RFX8: variants seen among roughly 807,000 people sequenced by gnomAD.
The protein encoded by RFX8 is DNA-binding protein RFX8.
In RFX8, 46 loss-of-function variants were observed where a neutral mutation model predicts 54.6. That is an observed-to-expected ratio of 0.84 (90% confidence interval 0.67 to 1.08). The LOEUF (loss-of-function observed/expected upper bound fraction) is 1.08, where lower values mean the gene tolerates loss of function less well. Among genes scored for constraint, RFX8 ranks in the 50% least tolerant of loss-of-function variants. RFX8 has a pLI of 0.00. For synonymous variants in RFX8, 192 were observed against 209.5 expected (o/e 0.92, Z 0.72); for missense variants, 536 against 562.3 (o/e 0.95, Z 0.47).
rs193077304 is a variant in RFX8, at chr2:101,415,254, C to T, written c.503-342G>A. Reference sequence around the variant, plus strand: ...GGGCCTTGGGGAGGTGATGAGGCCCCGAGTGTACAGTTCCCATGAAGAGGA... The same window carrying T: ...GGGCCTTGGGGAGGTGATGAGGCCCTGAGTGTACAGTTCCCATGAAGAGGA... On this transcript the variant is annotated intron_variant, in intron 6 of 11. Transcript: ENST00000428343. Among the ~76,000 whole-genome samples, 143 of 152,200 alleles carry T rather than the reference C, an allele frequency of 9.4e-4. 1 individual carries two copies. The highest frequency in any genetic ancestry group is 1.5e-3 in the Non-Finnish European group (105 of 68,010).
intron 8 of RFX8, 67 bp downstream of exon 8, chr2:101,412,848 G>A (rs1285451937): frequency 9.9e-6 from 14 of 1,420,790 alleles, no homozygotes; most frequent in Admixed American, 7.6e-5. Context: ...ATGAGTTAAC[G>A]ATGGCCATGC....
At chr2:101,463,671 C>T (rs1448710275) in intron 2 of RFX8, among the ~76,000 whole-genome samples, 1 of 152,106 alleles carries the variant, frequency 6.6e-6, no homozygotes. Context: ...CCAAGGGGGC[C>T]CTGAACACCA....
intron 2 of RFX8, among the ~76,000 whole-genome samples, chr2:101,462,155 G>A (rs910440319): frequency 5.3e-5 from 8 of 152,192 alleles, no homozygotes; most frequent in Non-Finnish European, 1.2e-4. Flanking sequence ...GCTGGGCGCG[G>A]TGGCTCACAC....
At chr2:101,403,431 T>C (rs1171738262) in intron 10 of RFX8, among the ~76,000 whole-genome samples, 1 of 152,190 alleles carries the variant, frequency 6.6e-6, no homozygotes, top group East Asian at 1.9e-4. Flanking sequence ...TCTGGCCTAT[T>C]GCAATTGTTA....
chr2:101,418,990 C>A, intron 4 of RFX8, 26 bp from the exon 5 acceptor site: 1 of 1,344,326 alleles, frequency 7.4e-7, no homozygotes, highest in South Asian at 1.3e-5. Flanking sequence ...GAGCATATCG[C>A]CAAAACTCGT....
At chr2:101,448,453 C>G (rs995082408) in intron 2 of RFX8, among the ~76,000 whole-genome samples, 1 of 152,220 alleles carries the variant, frequency 6.6e-6, no homozygotes, top group Admixed American at 6.5e-5. Context: ...TTCTCCGACA[C>G]CACCTGTCAA....
chr2:101,470,709 C>CTTTTTTTTT (rs537834632), intron 1 of RFX8, among the ~76,000 whole-genome samples: 1 of 105,552 alleles, frequency 9.5e-6, no homozygotes, highest in Non-Finnish European at 1.9e-5. Flanking sequence ...TCTGAGTACT[C>CTTTTTTTTT]TTTTTTTTTT....
chr2:101,420,337 T>C (rs906618481), intron 4 of RFX8, among the ~76,000 whole-genome samples: 5 of 151,530 alleles, frequency 3.3e-5, no homozygotes, highest in African/African-American at 9.7e-5. Flanking sequence ...AGGTCAGGAG[T>C]TTGAGAACAG....
Position 101,465,588 on chromosome 2 carries a change from T to C in RFX8, c.72+1189A>G, listed in dbSNP as rs112500451. Among the ~76,000 whole-genome samples, 606 of 152,278 alleles carry C rather than the reference T, an allele frequency of 4.0e-3. 4 individuals carry two copies. The highest frequency in any genetic ancestry group is 0.013 in the African/African-American group (556 of 41,570). On this transcript the variant is annotated intron_variant, in intron 2 of 11. Coordinates refer to ENST00000428343, the MANE Select transcript of RFX8 (RefSeq NM_001145664.2). ...AATACAATAGGAATAAGAGAATAACTACTCTTGGGTTCAAATAGTTAATTA... is the reference window on the plus strand; with the variant it reads ...AATACAATAGGAATAAGAGAATAACCACTCTTGGGTTCAAATAGTTAATTA...
intron 8 of RFX8, among the ~76,000 whole-genome samples, chr2:101,411,601 T>A (rs555981655): frequency 3.2e-4 from 48 of 152,244 alleles, no homozygotes; most frequent in African/African-American, 9.6e-4. Context: ...CCTTTTGGGT[T>A]CCTACTAGTC....
chr2:101,427,574 C>T (rs182886914), intron 2 of RFX8, among the ~76,000 whole-genome samples: 309 of 152,270 alleles, frequency 2.0e-3, no homozygotes, highest in African/African-American at 7.1e-3. Flanking sequence ...ATTATGACTT[C>T]CAGGGCGTGT....
intron 2 of RFX8, among the ~76,000 whole-genome samples, chr2:101,442,962 A>G (rs1447704655): frequency 2.0e-5 from 3 of 152,124 alleles, no homozygotes; most frequent in Admixed American, 2.0e-4. Flanking sequence ...AGATCGGCTC[A>G]CACCCTCAGT....
intron 2 of RFX8, among the ~76,000 whole-genome samples, chr2:101,451,545 C>T (rs537647351): frequency 6.6e-6 from 1 of 151,568 alleles, no homozygotes; most frequent in Non-Finnish European, 1.5e-5. Context: ...AAAAATAAGC[C>T]GGGCGTGGTG....
Position 101,452,564 on chromosome 2 carries a change from T to C in RFX8, c.72+14213A>G, listed in dbSNP as rs755726823. 91 of 410,694 alleles carry C rather than the reference T, an allele frequency of 2.2e-4. 2 individuals are homozygous for C. Among genetic ancestry groups the C allele is most frequent in the Non-Finnish European group, 3.6e-4 (86 of 237,848 alleles). The allele number at this position is 410,694 out of a possible 1,614,324, so 25.4% of individuals were successfully genotyped here. On this transcript the variant is annotated intron_variant, in intron 2 of 11. Coordinates refer to ENST00000428343, the MANE Select transcript of RFX8 (RefSeq NM_001145664.2). ...TTCCTCTTTTCTAATAAGCAAACAATAAAGAAAATAAATATAATAATAAAG... is the reference window on the plus strand; with the variant it reads ...TTCCTCTTTTCTAATAAGCAAACAACAAAGAAAATAAATATAATAATAAAG...
chr2:101,409,619 C>T (rs1271423855), intron 9 of RFX8, among the ~76,000 whole-genome samples: 1 of 152,186 alleles, frequency 6.6e-6, no homozygotes, highest in Admixed American at 6.5e-5. Context: ...CCTGCCTCAA[C>T]CTCCCGAGTA....
intron 2 of RFX8, among the ~76,000 whole-genome samples, chr2:101,441,858 A>T (rs1210613475): frequency 2.0e-5 from 3 of 152,194 alleles, no homozygotes; most frequent in African/African-American, 7.2e-5. Context: ...TCACTCTGCC[A>T]GTCTTGTCTT....
chr2:101,463,001 A>G (rs985956298), intron 2 of RFX8, among the ~76,000 whole-genome samples: 1 of 152,210 alleles, frequency 6.6e-6, no homozygotes, highest in African/African-American at 2.4e-5. Flanking sequence ...AAGAGGAGAC[A>G]AAAATCAAAT....
chr2:101,445,598 T>A (rs1181429776), intron 2 of RFX8, among the ~76,000 whole-genome samples: 16 of 151,454 alleles, frequency 1.1e-4, no homozygotes, highest in African/African-American at 3.6e-4. Flanking sequence ...AATTTTTAAT[T>A]TTATATTTTT....
chr2:101,454,354 C>T (rs1385481939), intron 2 of RFX8, among the ~76,000 whole-genome samples: 2 of 152,162 alleles, frequency 1.3e-5, no homozygotes, highest in East Asian at 1.9e-4. Context: ...CTATAATAAA[C>T]ATATGTGTGC....
Sources: allele counts gnomAD v4.1 joint callset (sites outside exome capture counted in the v4.1 genomes callset), GRCh38; gene constraint gnomAD v4.1.1; transcripts MANE v1.5; gene names NCBI Gene and HGNC (gene_info 2026-07-23, HGNC 2026-07-21).